Variants in DLGAP4 observed in about 807,000 individuals in gnomAD.
DLGAP4 encodes disks large-associated protein 4.
DLGAP4 carries 18 observed loss-of-function variants against 86.9 expected under a neutral mutation model. The observed-to-expected ratio is 0.21, with a 90% CI of 0.14 to 0.31. DLGAP4 has a LOEUF of 0.31. DLGAP4 is among the 10% of genes least tolerant of loss of function. The pLI is 1.00. For synonymous variants in DLGAP4, 548 were observed against 574.3 expected (o/e 0.95, Z 0.65); for missense variants, 1,085 against 1,362.6 (o/e 0.80, Z 3.21).
intron 2 of DLGAP4, among the ~76,000 whole-genome samples, chr20:36,395,105 TCAC>T (rs2031907695): frequency 6.6e-6 from 1 of 152,032 alleles, no homozygotes; most frequent in East Asian, 1.9e-4. Context: ...CATTCCACAT[TCAC>T]CATTCCTCTA....
At position 36,509,878 on chromosome 20, in the gene DLGAP4, CAG is replaced by C. The variant is rs570261333; in HGVS notation, c.2512+9270_2512+9271del. Among the ~76,000 whole-genome samples, 132 of 149,416 alleles carry C rather than the reference CAG, an allele frequency of 8.8e-4. 5 individuals carry two copies. In the East Asian group the frequency reaches 0.024, roughly 27 times the overall value. On this transcript the variant is annotated intron_variant, in intron 10 of 12. Coordinates refer to ENST00000339266, the MANE Select transcript of DLGAP4 (RefSeq NM_001365621.2). The stretch of plus-strand genomic sequence containing the variant: ...TGCTTGTCTTTTTTTTTTTTTGAGA[CAG>C]AGTTTTGCTCTTGTTGCCCAGGCTG...
chr20:36,329,413 A>G (rs1234060458), intron 1 of DLGAP4, among the ~76,000 whole-genome samples: 2 of 152,182 alleles, frequency 1.3e-5, no homozygotes. Context: ...TAATACTTAT[A>G]TCATCTGGTT....
chr20:36,520,839 T>TTTTG (rs111881833), intron 10 of DLGAP4, among the ~76,000 whole-genome samples: 10,985 of 150,532 alleles, frequency 0.073, 1,395 homozygotes, highest in African/African-American at 0.25. Flanking sequence ...CATCTGAGAG[T>TTTTG]TTTGTTTGTT....
rs371032417 is a variant in DLGAP4 at position 36,418,765 on chromosome 20, C to T, written c.-72-12881C>T. Among the ~76,000 whole-genome samples, 18 of 152,200 alleles carry T rather than the reference C, an allele frequency of 1.2e-4. No individual in the cohort carries two copies. The East Asian group carries it at 2.1e-3, about 18-fold the overall frequency. ...GTTGTCTTCAAGTGGAGGAGGGACC[C>T]GAGGTGGGAGCAGTGTCAGTCACAC... On this transcript the variant is annotated intron_variant, in intron 2 of 12. Coordinates refer to ENST00000339266, the MANE Select transcript of DLGAP4 (RefSeq NM_001365621.2).
chr20:36,462,493 C>G, intron 7 of DLGAP4: 1 of 1,592,590 alleles, frequency 6.3e-7, no homozygotes, highest in Non-Finnish European at 8.5e-7. Flanking sequence ...GTCTCCCCTT[C>G]TCTCTGCTCC....
At chr20:36,365,196 GGCCAGGGC>G (rs2030643063) in intron 1 of DLGAP4, among the ~76,000 whole-genome samples, 1 of 152,250 alleles carries the variant, frequency 6.6e-6, no homozygotes, top group African/African-American at 2.4e-5. Context: ...CGGGCCCCTA[GGCCAGGGC>G]CCTGCGGCAC....
At chr20:36,328,497 G>T (rs578000219) in intron 1 of DLGAP4, among the ~76,000 whole-genome samples, 155 of 148,892 alleles carry the variant, frequency 1.0e-3, no homozygotes, top group Non-Finnish European at 1.8e-3. Flanking sequence ...TTTAAATAAA[G>T]TCCAGCATAG....
chr20:36,315,585 A>T (rs948969729), intron 1 of DLGAP4, among the ~76,000 whole-genome samples: 140 of 152,162 alleles, frequency 9.2e-4, no homozygotes, highest in African/African-American at 3.3e-3. Context: ...GGCCGCAGCT[A>T]GCAAAGCCAG....
Position 36,393,718 on chromosome 20 carries a change from C to A in DLGAP4, c.-73+26443C>A, listed in dbSNP as rs6031151. Among the ~76,000 whole-genome samples the A allele has an allele frequency of 0.015, 2,221 of 152,254 alleles. 74 individuals are homozygous for A. The highest frequency in any genetic ancestry group is 0.051 in the African/African-American group (2,135 of 41,526). On this transcript the variant is annotated intron_variant, in intron 2 of 12. Coordinates refer to ENST00000339266, the MANE Select transcript of DLGAP4 (RefSeq NM_001365621.2). The surrounding 1 kb of genome is among the most constrained non-coding windows in gnomAD (Gnocchi z 4.4). ...AGGAAAGGGGGGCTCTGTGCCTGCA[C>A]CCTTTGTGGCACTTTAGCCATATTG...
At chr20:36,383,256 T>C (rs556096819) in intron 2 of DLGAP4, among the ~76,000 whole-genome samples, 1 of 152,170 alleles carries the variant, frequency 6.6e-6, no homozygotes, top group South Asian at 2.1e-4. Context: ...GCCAGTGATA[T>C]CAGAGAGGTG....
chr20:36,406,748 G>A (rs911293328), intron 2 of DLGAP4, among the ~76,000 whole-genome samples: 7 of 152,140 alleles, frequency 4.6e-5, no homozygotes, highest in African/African-American at 1.2e-4. Context: ...GAAGGGACAG[G>A]GTGAGTCCCC....
chr20:36,456,057 G>A (rs977569014), intron 7 of DLGAP4, among the ~76,000 whole-genome samples: 3 of 152,194 alleles, frequency 2.0e-5, no homozygotes, highest in Non-Finnish European at 4.4e-5. Context: ...GCAAAGAAAG[G>A]TGCCACCATC....
chr20:36,459,345 G>C (rs947052276), intron 7 of DLGAP4, among the ~76,000 whole-genome samples: 4 of 152,208 alleles, frequency 2.6e-5, no homozygotes, highest in Non-Finnish European at 5.9e-5. Flanking sequence ...GACACTGCCT[G>C]AGTTCTGTCC....
At chr20:36,395,559 C>T (rs1393420482) in intron 2 of DLGAP4, among the ~76,000 whole-genome samples, 1 of 151,994 alleles carries the variant, frequency 6.6e-6, no homozygotes, top group Non-Finnish European at 1.5e-5. Flanking sequence ...AGTGCAGTGG[C>T]GCAATCTTGG....
intron 7 of DLGAP4, chr20:36,461,319 C>T (rs1415480978): frequency 1.1e-4 from 41 of 357,516 alleles, no homozygotes; most frequent in Non-Finnish European, 1.5e-4. Flanking sequence ...CCGACCAGCC[C>T]GGCTGCGCGC....
rs771100995 is a variant in DLGAP4 at position 36,442,224 on chromosome 20, C to T, written c.1357-503C>T. ...ATTTATTTATTTTGAGATGGAGTTTCGCTCTTGTTGCCCAGGCTGGAGTGC... is the reference window on the plus strand; with the variant it reads ...ATTTATTTATTTTGAGATGGAGTTTTGCTCTTGTTGCCCAGGCTGGAGTGC... On this transcript the variant is annotated intron_variant, in intron 5 of 12. Coordinates refer to ENST00000339266, the MANE Select transcript of DLGAP4 (RefSeq NM_001365621.2). Among the ~76,000 whole-genome samples the T allele has an allele frequency of 5.3e-4, 81 of 152,150 alleles. 1 individual carries two copies. The highest frequency in any genetic ancestry group is 4.6e-3 in the Admixed American group (70 of 15,264).
chr20:36,471,560 A>G (rs1324096136), intron 7 of DLGAP4, among the ~76,000 whole-genome samples: 1 of 152,130 alleles, frequency 6.6e-6, no homozygotes, highest in Non-Finnish European at 1.5e-5. Flanking sequence ...TGGCTGCTAT[A>G]CTCTTGCCCT....
At position 36,528,455 on chromosome 20, in the gene DLGAP4, C is replaced by CT. The variant is rs2037906658; in HGVS notation, c.*1424_*1425insT. 3.3e-5 allele frequency: 5 copies of CT among 152,536 alleles called. No homozygotes were observed. Among genetic ancestry groups the CT allele is most frequent in the Non-Finnish European group, 5.9e-5 (4 of 68,240 alleles). 9.4% of individuals were successfully genotyped at this position (152,536 alleles called of 1,614,324 possible). A position where few individuals can be genotyped will look rare whatever the true frequency, so the allele number is the denominator to read the frequency against. On this transcript the variant is annotated 3_prime_UTR_variant, in exon 13 of 13. Transcript: ENST00000339266. ...CTTGCTGCAGGGGGGGACCCCCCCC[C>CT]GTCCCCAGGTGAACCAAGGGTCTGC...
At chr20:36,421,370 A>G (rs1243139026) in intron 2 of DLGAP4, among the ~76,000 whole-genome samples, 1 of 151,720 alleles carries the variant, frequency 6.6e-6, no homozygotes, top group Non-Finnish European at 1.5e-5. Flanking sequence ...AGGCAGGAGA[A>G]TCGCTTGAAC....
Sources: allele counts gnomAD v4.1 joint callset (sites outside exome capture counted in the v4.1 genomes callset), GRCh38; gene constraint gnomAD v4.1.1; non-coding constraint Gnocchi (gnomAD v3.1); transcripts MANE v1.5; gene names NCBI Gene and HGNC (gene_info 2026-07-23, HGNC 2026-07-21).